The following LRFN5 variants were observed in gnomAD, a reference collection of about 807,000 sequenced individuals.
The protein encoded by LRFN5 is leucine-rich repeat and fibronectin type-III domain-containing protein 5.
In LRFN5, 24 loss-of-function variants were observed where a neutral mutation model predicts 45.6. That is an observed-to-expected ratio of 0.53 (90% CI 0.38 to 0.74). The LOEUF (loss-of-function observed/expected upper bound fraction) is 0.74. LRFN5 is among the 30% of genes least tolerant of loss of function. LRFN5 has a pLI of 0.00. For missense variants in LRFN5, 776 were observed against 861.5 expected, an observed-to-expected ratio of 0.90 and a Z score of 1.24; for synonymous variants, 340 against 313.8, an observed-to-expected ratio of 1.08 and a Z score of -0.88.
intron 1 of LRFN5, among the ~76,000 whole-genome samples, chr14:41,739,696 A>G (rs894740621): frequency 2.6e-5 from 4 of 151,960 alleles, no homozygotes; most frequent in African/African-American, 4.8e-5. Flanking sequence ...TAGTGGAAGG[A>G]AGTAAATAAC....
At chr14:41,693,115 C>T (rs764382202) in intron 1 of LRFN5, among the ~76,000 whole-genome samples, 81 of 151,978 alleles carry the variant, frequency 5.3e-4, no homozygotes, top group Non-Finnish European at 1.0e-3. Context: ...TATTCAAACA[C>T]TATACAATCT....
chr14:41,667,328 A>G (rs192524489), intron 1 of LRFN5, among the ~76,000 whole-genome samples: 2 of 152,306 alleles, frequency 1.3e-5, no homozygotes, highest in Admixed American at 1.3e-4. Flanking sequence ...AATTAAATCA[A>G]TGGATTCATC....
intron 5 of LRFN5, among the ~76,000 whole-genome samples, chr14:41,899,487 C>T (rs1033848547): frequency 5.3e-5 from 8 of 152,032 alleles, no homozygotes; most frequent in African/African-American, 1.9e-4. Context: ...TTGTCAGCAA[C>T]CAATTATTCT....
intron 2 of LRFN5, among the ~76,000 whole-genome samples, chr14:41,848,497 T>TG (rs892545584): frequency 2.0e-4 from 30 of 151,374 alleles, no homozygotes; most frequent in African/African-American, 6.3e-4. Context: ...TGCATTATTT[T>TG]TTTTTCGTAT....
chr14:41,726,128 C>G (rs1883921141), intron 1 of LRFN5, among the ~76,000 whole-genome samples: 1 of 152,084 alleles, frequency 6.6e-6, no homozygotes, highest in Non-Finnish European at 1.5e-5. Flanking sequence ...AGTAGCTTGG[C>G]TTACAATTGG....
intron 2 of LRFN5, among the ~76,000 whole-genome samples, chr14:41,820,928 G>T (rs981901823): frequency 3.9e-5 from 6 of 151,958 alleles, no homozygotes; most frequent in African/African-American, 1.2e-4. Context: ...TGTCATTGGT[G>T]TATAGACATG....
intron 1 of LRFN5, among the ~76,000 whole-genome samples, chr14:41,697,719 C>T (rs1882674484): frequency 6.7e-6 from 1 of 149,686 alleles, no homozygotes. Flanking sequence ...ATTCCTATGT[C>T]CTCCTACTTA....
At chr14:41,880,697 A>G (rs1293379788) in intron 2 of LRFN5, among the ~76,000 whole-genome samples, 1 of 152,038 alleles carries the variant, frequency 6.6e-6, no homozygotes, top group Non-Finnish European at 1.5e-5. Context: ...TTGTCAGCTT[A>G]TTATATCAAT....
chr14:41,785,553 C>A (rs1025786043), intron 2 of LRFN5, among the ~76,000 whole-genome samples: 3 of 151,954 alleles, frequency 2.0e-5, no homozygotes, highest in Non-Finnish European at 4.4e-5. Flanking sequence ...TGCCAGGGAC[C>A]GGTTTCGTGG....
At chr14:41,821,297 G>A (rs74617485) in intron 2 of LRFN5, among the ~76,000 whole-genome samples, 1,886 of 151,818 alleles carry the variant, frequency 0.012, 37 homozygotes, top group African/African-American at 0.042. Flanking sequence ...TTCCTAGTTT[G>A]TTGAAAGTTT....
At chr14:41,729,614 G>A (rs1884083375) in intron 1 of LRFN5, among the ~76,000 whole-genome samples, 1 of 151,948 alleles carries the variant, frequency 6.6e-6, no homozygotes, top group Admixed American at 6.6e-5. Context: ...TATTTTGAGT[G>A]ACAATGCTTT....
intron 1 of LRFN5, among the ~76,000 whole-genome samples, chr14:41,643,892 C>T (rs1594576365): frequency 6.6e-6 from 1 of 152,152 alleles, no homozygotes; most frequent in Admixed American, 6.6e-5. Context: ...TTCATAATCT[C>T]TGTAAGTCTC....
At chr14:41,872,030 A>C (rs889112704) in intron 2 of LRFN5, among the ~76,000 whole-genome samples, 3 of 152,186 alleles carry the variant, frequency 2.0e-5, no homozygotes, top group African/African-American at 7.2e-5. Flanking sequence ...TTGAAATAAT[A>C]ATCTCTCCTA....
intron 2 of LRFN5, among the ~76,000 whole-genome samples, chr14:41,845,755 A>T (rs1233500922): frequency 2.6e-5 from 4 of 152,210 alleles, no homozygotes; most frequent in Non-Finnish European, 5.9e-5. Context: ...CTACCCAACA[A>T]TAAGAGTATT....
At chr14:41,897,125 T>G (rs1890966897) in intron 4 of LRFN5, among the ~76,000 whole-genome samples, 1 of 148,550 alleles carries the variant, frequency 6.7e-6, no homozygotes, top group African/African-American at 2.5e-5. Flanking sequence ...AATAAATAAA[T>G]AAATAAATAT....
intron 1 of LRFN5, among the ~76,000 whole-genome samples, chr14:41,753,030 C>T (rs1437201350): frequency 6.6e-6 from 1 of 152,122 alleles, no homozygotes; most frequent in Non-Finnish European, 1.5e-5. Flanking sequence ...GGAAACCTTC[C>T]CCCATTTCTT....
At chr14:41,856,221 A>G (rs574813252) in intron 2 of LRFN5, among the ~76,000 whole-genome samples, 1 of 152,366 alleles carries the variant, frequency 6.6e-6, no homozygotes, top group South Asian at 2.1e-4. Flanking sequence ...TGATCCAGAC[A>G]GTAAACAAAG....
At chr14:41,810,340 T>G (rs1181157544) in intron 2 of LRFN5, among the ~76,000 whole-genome samples, 1 of 152,024 alleles carries the variant, frequency 6.6e-6, no homozygotes, top group African/African-American at 2.4e-5. Flanking sequence ...CATAGCTACT[T>G]GTGAGGCTGG....
intron 1 of LRFN5, among the ~76,000 whole-genome samples, chr14:41,609,094 GT>G (rs1887623439): frequency 6.6e-6 from 1 of 152,162 alleles, no homozygotes; most frequent in Non-Finnish European, 1.5e-5. Context: ...TCGAAATGGA[GT>G]TTTCTTGGAA....
Sources: gnomAD v4.1 joint callset for allele counts (sites outside exome capture counted in the v4.1 genomes callset) on GRCh38, gnomAD v4.1.1 for gene constraint, MANE v1.5 for transcripts, NCBI Gene and HGNC (gene_info 2026-07-23, HGNC 2026-07-21) for gene names.